SPATA31F1: variants seen among roughly 807,000 people sequenced by gnomAD.
SPATA31F1 encodes protein SPATA31F1.
At chr9:34,729,458 A>G in the SPATA31F1 span, 4 of 1,530,620 alleles carry the variant, frequency 2.6e-6, no homozygotes, top group African/African-American at 1.4e-5. Context: ...GAGATCAACC[A>G]TCCCTCTATC....
the SPATA31F1 span, chr9:34,726,207 G>T: frequency 8.6e-7 from 1 of 1,164,392 alleles, no homozygotes; most frequent in African/African-American, 1.6e-5. Flanking sequence ...GAGACCTGAG[G>T]AGTATTCTTC....
chr9:34,725,113 T>C, the SPATA31F1 span: 5 of 1,551,000 alleles, frequency 3.2e-6, no homozygotes, highest in South Asian at 6.0e-5. Context: ...AAGGAGCCAC[T>C]GCCAGGACCC....
chr9:34,729,133 G>A, the SPATA31F1 span: 13 of 983,500 alleles, frequency 1.3e-5, no homozygotes, highest in Middle Eastern at 2.5e-4. Context: ...GCCTGGTAAG[G>A]AATTATAGTC....
chr9:34,729,392 T>G, the SPATA31F1 span: 1 of 1,551,254 alleles, frequency 6.4e-7, no homozygotes, highest in Non-Finnish European at 8.7e-7. Context: ...ATAAGGGATA[T>G]CCAACTTCCC....
chr9:34,723,719 T>G, the SPATA31F1 span: 1 of 1,551,724 alleles, frequency 6.4e-7, no homozygotes, highest in East Asian at 2.4e-5. Context: ...CTGAGTTGGT[T>G]GGCTCAGGAA....
At chr9:34,728,854 G>C in the SPATA31F1 span, among the ~76,000 whole-genome samples, 1 of 152,006 alleles carries the variant, frequency 6.6e-6, no homozygotes, top group Non-Finnish European at 1.5e-5. Context: ...TCACTTGGAG[G>C]CTTTTCCAAA....
At chr9:34,723,748 C>A in the SPATA31F1 span, 1 of 1,551,716 alleles carries the variant, frequency 6.4e-7, no homozygotes, top group Non-Finnish European at 8.7e-7. Context: ...CCTGTGAAGC[C>A]TGGGGCAACA....
chr9:34,728,594 A>C, the SPATA31F1 span: 3 of 1,549,816 alleles, frequency 1.9e-6, no homozygotes, highest in Non-Finnish European at 2.6e-6. Flanking sequence ...GTCAGAGGAG[A>C]GATTGGGACT....
chr9:34,726,611 A>C, the SPATA31F1 span: 2 of 1,551,502 alleles, frequency 1.3e-6, no homozygotes, highest in African/African-American at 1.4e-5. Flanking sequence ...CACATCTGGC[A>C]CTTGAAATTC....
the SPATA31F1 span, chr9:34,723,903 G>T: frequency 6.4e-7 from 1 of 1,551,530 alleles, no homozygotes; most frequent in African/African-American, 1.4e-5. Context: ...TGATGCTGGG[G>T]GCTGTGTTGA....
the SPATA31F1 span, among the ~76,000 whole-genome samples, chr9:34,727,182 G>A: frequency 3.3e-5 from 5 of 152,244 alleles, no homozygotes; most frequent in East Asian, 1.9e-4. Context: ...CTGATGGTCT[G>A]GAGCTTGTTG....
chr9:34,725,274 G>A, the SPATA31F1 span: 4 of 1,350,456 alleles, frequency 3.0e-6, no homozygotes, highest in South Asian at 2.5e-5. Context: ...GCCGCAATGG[G>A]TGACAGCACA....
At chr9:34,726,257 T>C in the SPATA31F1 span, 1 of 1,522,630 alleles carries the variant, frequency 6.6e-7, no homozygotes, top group Non-Finnish European at 8.9e-7. Context: ...AGGTTGGTAA[T>C]ACAATGGTGG....
At chr9:34,725,794 T>G in the SPATA31F1 span, 11 of 1,548,778 alleles carry the variant, frequency 7.1e-6, no homozygotes, top group African/African-American at 1.4e-5. Context: ...GGGGTGAAGT[T>G]TTAGGGAGCA....
the SPATA31F1 span, chr9:34,724,350 G>A: frequency 1.3e-6 from 2 of 1,551,202 alleles, no homozygotes; most frequent in South Asian, 2.4e-5. Flanking sequence ...TTGGCCAGCT[G>A]TTCTTTAAGG....
the SPATA31F1 span, chr9:34,723,155 C>T: frequency 6.8e-7 from 1 of 1,469,852 alleles, no homozygotes; most frequent in East Asian, 2.5e-5. Context: ...AGTTGGGGAG[C>T]CTATAAACTC....
chr9:34,723,114 T>G, the SPATA31F1 span: 1 of 1,260,944 alleles, frequency 7.9e-7, no homozygotes, highest in Non-Finnish European at 1.1e-6. Context: ...TTTATGGAAA[T>G]GACAATACTG....
the SPATA31F1 span, chr9:34,726,670 A>T: frequency 6.4e-7 from 1 of 1,551,514 alleles, no homozygotes. Flanking sequence ...TGCCATCTGC[A>T]TACGTTGACT....
the SPATA31F1 span, chr9:34,728,532 CCAGAGGTCA>C: frequency 7.0e-7 from 1 of 1,431,128 alleles, no homozygotes; most frequent in Non-Finnish European, 9.6e-7. Flanking sequence ...GCTCTTGGCT[CCAGAGGTCA>C]CAGAGGGACA....
Sources: gnomAD v4.1 joint callset for allele counts (sites outside exome capture counted in the v4.1 genomes callset) on GRCh38, gnomAD v4.1.1 for gene constraint, MANE v1.5 for transcripts, NCBI Gene and HGNC (gene_info 2026-07-23, HGNC 2026-07-21) for gene names.